MYO3B: variants seen among roughly 807,000 people sequenced by gnomAD.
MYO3B encodes myosin-IIIb.
In MYO3B, 156 loss-of-function variants were observed where a neutral mutation model predicts 174.6. That is an observed-to-expected ratio of 0.89 (90% confidence interval 0.78 to 1.02). MYO3B has a LOEUF of 1.02. MYO3B is among the 50% of genes least tolerant of loss of function. The pLI is 0.00. For synonymous variants in MYO3B, 563 were observed against 569.1 expected (o/e 0.99, Z 0.15); for missense variants, 1,632 against 1,639.4 (o/e 1.00, Z 0.08).
intron 7 of MYO3B, among the ~76,000 whole-genome samples, chr2:170,333,331 G>A (rs1349457956): frequency 6.6e-6 from 1 of 152,134 alleles, no homozygotes; most frequent in Non-Finnish European, 1.5e-5. Flanking sequence ...GAAAGATGAA[G>A]GCATATGTTG....
rs1228431272 is a variant in MYO3B at position 170,385,421 on chromosome 2, G to A, written c.1291-768G>A. On this transcript the variant is annotated intron_variant, in intron 12 of 34. Coordinates refer to ENST00000408978, the MANE Select transcript of MYO3B (RefSeq NM_138995.5). Reference sequence around the variant, plus strand: ...TTGAAAGGGGCTCCTTGTGAATAACGAAAGATACTCCTACCACTCTTGGAA... The same window carrying A: ...TTGAAAGGGGCTCCTTGTGAATAACAAAAGATACTCCTACCACTCTTGGAA... Among the ~76,000 whole-genome samples, 3 of 152,078 alleles carry A rather than the reference G, an allele frequency of 2.0e-5. 1 individual carries two copies. Among genetic ancestry groups the A allele is most frequent in the Non-Finnish European group, 4.4e-5 (3 of 68,004 alleles).
At chr2:170,204,001 G>A (rs1037787014) in intron 3 of MYO3B, among the ~76,000 whole-genome samples, 4 of 152,156 alleles carry the variant, frequency 2.6e-5, no homozygotes, top group Non-Finnish European at 5.9e-5. Context: ...ATAAGGATGT[G>A]CCCCAGGAAG....
chr2:170,652,375 A>G (rs947352754), intron 34 of MYO3B, among the ~76,000 whole-genome samples: 3 of 152,202 alleles, frequency 2.0e-5, no homozygotes, highest in Non-Finnish European at 4.4e-5. Context: ...GGCAAATGTT[A>G]TTTCTCATAA....
chr2:170,389,607 A>G (rs1275418220), intron 14 of MYO3B, among the ~76,000 whole-genome samples: 4 of 152,158 alleles, frequency 2.6e-5, no homozygotes, highest in East Asian at 1.9e-4. Flanking sequence ...TGAGAACTAG[A>G]TGGATCTGTA....
At chr2:170,632,106 T>C (rs918845998) in intron 32 of MYO3B, among the ~76,000 whole-genome samples, 2 of 152,132 alleles carry the variant, frequency 1.3e-5, no homozygotes, top group African/African-American at 2.4e-5. Context: ...TATCCAGGAC[T>C]TGAACTCAGC....
intron 27 of MYO3B, among the ~76,000 whole-genome samples, chr2:170,501,312 C>T (rs144744812): frequency 6.6e-6 from 1 of 152,176 alleles, no homozygotes; most frequent in Non-Finnish European, 1.5e-5. Context: ...TTATCATTTC[C>T]CTTAACTCCG....
chr2:170,466,213 G>A (rs1431661426), intron 24 of MYO3B, among the ~76,000 whole-genome samples: 1 of 151,546 alleles, frequency 6.6e-6, no homozygotes, highest in Non-Finnish European at 1.5e-5. Flanking sequence ...CCAGCGACAA[G>A]CATTCTAGTT....
chr2:170,319,761 A>C (rs901510944), intron 7 of MYO3B, among the ~76,000 whole-genome samples: 3 of 152,202 alleles, frequency 2.0e-5, no homozygotes, highest in South Asian at 2.1e-4. Context: ...TGAAGAGAAA[A>C]TCTTGAAATC....
At chr2:170,248,240 G>T (rs553329763) in intron 7 of MYO3B, among the ~76,000 whole-genome samples, 1 of 152,228 alleles carries the variant, frequency 6.6e-6, no homozygotes, top group African/African-American at 2.4e-5. Flanking sequence ...GGGATAGGAA[G>T]TCTCCCACTT....
intron 7 of MYO3B, among the ~76,000 whole-genome samples, chr2:170,308,158 A>T (rs375135786): frequency 6.6e-6 from 1 of 152,176 alleles, no homozygotes; most frequent in Non-Finnish European, 1.5e-5. Flanking sequence ...TGTTTGCCCT[A>T]TTGAACCCCA....
intron 8 of MYO3B, among the ~76,000 whole-genome samples, chr2:170,336,767 A>G (rs2093949834): frequency 1.3e-5 from 2 of 152,144 alleles, no homozygotes; most frequent in South Asian, 4.1e-4. Context: ...GAATTCCAAA[A>G]TACATTTGGC....
intron 11 of MYO3B, 137 bp downstream of exon 11, chr2:170,383,326 A>T: frequency 1.6e-6 from 1 of 630,646 alleles, no homozygotes; most frequent in East Asian, 2.5e-5. Flanking sequence ...TAGTAATGTA[A>T]TACAAATGGA....
rs774747573 is a variant in MYO3B, at chr2:170,432,607, T to C, written c.2651-11360T>C. On this transcript the variant is annotated intron_variant, in intron 22 of 34. Coordinates refer to ENST00000408978, the MANE Select transcript of MYO3B (RefSeq NM_138995.5). ...TTTTTTTTTTTTTGAGACGGAGTCT[T>C]GCTCTGTTGCCCAGGCTGGAGTGCA... Among the ~76,000 whole-genome samples, 8 of 151,664 alleles carry C rather than the reference T, an allele frequency of 5.3e-5. No homozygotes were observed. The South Asian group carries it at 1.0e-3, about 20-fold the overall frequency.
chr2:170,346,474 GTA>G (rs990687532), intron 8 of MYO3B: 3 of 152,180 alleles, frequency 2.0e-5, no homozygotes, highest in Admixed American at 6.5e-5. Context: ...ACAATGTCAA[GTA>G]TTAATATGAC....
intron 32 of MYO3B, among the ~76,000 whole-genome samples, chr2:170,634,182 A>G (rs1697262686): frequency 6.6e-6 from 1 of 152,238 alleles, no homozygotes; most frequent in East Asian, 1.9e-4. Flanking sequence ...CCAAAAAAAC[A>G]AAGCTGGAAG....
At chr2:170,343,030 AACAC>A (rs56221872) in intron 8 of MYO3B, among the ~76,000 whole-genome samples, 13,500 of 135,828 alleles carry the variant, frequency 0.099, 776 homozygotes, top group East Asian at 0.16. Flanking sequence ...TCGGGCCTCT[AACAC>A]ACACACACAC....
chr2:170,436,169 A>G (rs1471969362), intron 22 of MYO3B, among the ~76,000 whole-genome samples: 1 of 152,236 alleles, frequency 6.6e-6, no homozygotes, highest in East Asian at 1.9e-4. Context: ...TCCTTCCAAC[A>G]CAGGACACAT....
At chr2:170,385,219 C>T (rs139006348) in intron 12 of MYO3B, among the ~76,000 whole-genome samples, 25 of 152,242 alleles carry the variant, frequency 1.6e-4, no homozygotes, top group South Asian at 4.2e-4. Context: ...CTCTGAATCT[C>T]CTTGTTCAAG....
intron 7 of MYO3B, among the ~76,000 whole-genome samples, chr2:170,316,236 G>A (rs539599566): frequency 5.3e-5 from 8 of 152,272 alleles, no homozygotes; most frequent in East Asian, 1.9e-4. Context: ...TATTAATGAA[G>A]TATCTGACTT....
Sources: gnomAD v4.1 joint callset for allele counts (sites outside exome capture counted in the v4.1 genomes callset) on GRCh38, gnomAD v4.1.1 for gene constraint, MANE v1.5 for transcripts, NCBI Gene and HGNC (gene_info 2026-07-23, HGNC 2026-07-21) for gene names.